TRAPPC9: variants seen among roughly 807,000 people sequenced by gnomAD.
The protein encoded by TRAPPC9 is trafficking protein particle complex subunit 9.
Under a neutral mutation model 124.0 loss-of-function variants are expected in TRAPPC9, and 83 were observed. That is an observed-to-expected ratio of 0.67 (90% CI 0.56 to 0.80). The LOEUF is 0.80. Ranked by LOEUF, TRAPPC9 falls within the 30% of genes least tolerant of loss-of-function variation. The probability of loss-of-function intolerance (pLI) is 0.00; values close to 1 mark genes in which losing one functional copy is unlikely to be tolerated. For synonymous variants in TRAPPC9, 638 were observed against 617.5 expected (o/e 1.03, Z -0.49); for missense variants, 1,302 against 1,508.3 (o/e 0.86, Z 2.27).
chr8:140,271,979 A>ATGG (rs1230597490), intron 15 of TRAPPC9, among the ~76,000 whole-genome samples: 14 of 144,492 alleles, frequency 9.7e-5, no homozygotes, highest in African/African-American at 2.1e-4. Flanking sequence ...GATGGCAGTA[A>ATGG]TGGTGGTGGT....
chr8:139,993,009 G>T (rs1837738742), intron 18 of TRAPPC9, among the ~76,000 whole-genome samples: 1 of 152,084 alleles, frequency 6.6e-6, no homozygotes, highest in Non-Finnish European at 1.5e-5. Context: ...CTTCTCAAAT[G>T]AGTTACAATA....
intron 10 of TRAPPC9, among the ~76,000 whole-genome samples, chr8:140,304,750 G>GTTATGT: frequency 6.6e-6 from 1 of 152,292 alleles, no homozygotes; most frequent in African/African-American, 2.4e-5. Flanking sequence ...TGGATTCTCT[G>GTTATGT]TTGCCCAACT....
intron 17 of TRAPPC9, among the ~76,000 whole-genome samples, chr8:140,119,077 G>C (rs1213051774): frequency 6.6e-6 from 1 of 152,236 alleles, no homozygotes; most frequent in Non-Finnish European, 1.5e-5. Context: ...ATCTGCAGGA[G>C]ACCCAGGTAG....
At chr8:139,763,056 C>T (rs915626195) in intron 21 of TRAPPC9, among the ~76,000 whole-genome samples, 1 of 152,214 alleles carries the variant, frequency 6.6e-6, no homozygotes, top group Non-Finnish European at 1.5e-5. Context: ...CTGGCTGAAG[C>T]CTTCTTCATT....
intron 21 of TRAPPC9, 31 bp from the exon 22 acceptor site, chr8:139,732,233 G>A (rs771203931): frequency 6.5e-7 from 1 of 1,539,832 alleles, no homozygotes; most frequent in East Asian, 2.4e-5. Context: ...TCGGGGGCTG[G>A]GCTGGCCTGC....
chr8:140,034,992 T>C (rs1391678526), intron 17 of TRAPPC9, among the ~76,000 whole-genome samples: 1 of 152,254 alleles, frequency 6.6e-6, no homozygotes, highest in Non-Finnish European at 1.5e-5. Context: ...GAGGCTGCCC[T>C]GGCCTTGGTG....
chr8:140,255,263 A>G (rs1042921867), intron 15 of TRAPPC9, among the ~76,000 whole-genome samples: 2 of 152,196 alleles, frequency 1.3e-5, no homozygotes, highest in Non-Finnish European at 2.9e-5. Context: ...TGTGCCAGAC[A>G]CTCCACGTGT....
intron 17 of TRAPPC9, among the ~76,000 whole-genome samples, chr8:140,210,978 T>A (rs1036676956): frequency 6.6e-6 from 1 of 152,178 alleles, no homozygotes; most frequent in Non-Finnish European, 1.5e-5. Context: ...CACAGCTTGA[T>A]TAAGAAGCAA....
At chr8:139,863,095 G>A (rs538180379) in intron 21 of TRAPPC9, among the ~76,000 whole-genome samples, 2 of 152,354 alleles carry the variant, frequency 1.3e-5, no homozygotes, top group East Asian at 1.9e-4. Context: ...CTCATTTGGC[G>A]TGTCTTCTCC....
At chr8:139,780,546 TAAATGCA>T (rs941627165) in intron 21 of TRAPPC9, among the ~76,000 whole-genome samples, 38 of 152,148 alleles carry the variant, frequency 2.5e-4, no homozygotes, top group Non-Finnish European at 2.4e-4. Context: ...ATTGCAGAAC[TAAATGCA>T]AAATGCAAAA....
At chr8:140,325,298 A>G (rs1048587799) in intron 9 of TRAPPC9, among the ~76,000 whole-genome samples, 3 of 152,250 alleles carry the variant, frequency 2.0e-5, no homozygotes, top group African/African-American at 4.8e-5. Flanking sequence ...CTAGAAAAAG[A>G]CATAAAATTA....
chr8:140,343,480 C>G (rs1294848205), intron 9 of TRAPPC9, among the ~76,000 whole-genome samples: 5 of 152,230 alleles, frequency 3.3e-5, no homozygotes, highest in Non-Finnish European at 7.3e-5. Flanking sequence ...CTGCCACCCA[C>G]AGAGGCAGGG....
rs569584625 is a variant in TRAPPC9, at chr8:139,797,864, T to C, written c.3056-65662A>G. Among the ~76,000 whole-genome samples, 5 of 152,364 alleles carry C rather than the reference T, an allele frequency of 3.3e-5. No individual in the cohort carries two copies. The South Asian group carries it at 6.2e-4, about 19-fold the overall frequency. ...TTCAGTCTGTTGATCTGTACGTCCA[T>C]CCTTATGCCAGCACCACATTGTCTT... On this transcript the variant is annotated intron_variant, in intron 21 of 22. Coordinates refer to ENST00000438773, the MANE Select transcript of TRAPPC9 (RefSeq NM_001160372.4).
chr8:139,964,212 A>G (rs1269750583), intron 19 of TRAPPC9, among the ~76,000 whole-genome samples: 41 of 132,166 alleles, frequency 3.1e-4, no homozygotes, highest in Admixed American at 2.2e-3. Context: ...GCGACAGAGC[A>G]AGACTCTGTC....
chr8:140,086,910 C>T (rs1844219797), intron 17 of TRAPPC9, among the ~76,000 whole-genome samples: 1 of 151,788 alleles, frequency 6.6e-6, no homozygotes, highest in African/African-American at 2.4e-5. Flanking sequence ...CTAGCCTGGG[C>T]AACAGAGTGA....
At chr8:139,981,312 G>A (rs1289074573) in intron 19 of TRAPPC9, among the ~76,000 whole-genome samples, 2 of 152,144 alleles carry the variant, frequency 1.3e-5, no homozygotes, top group African/African-American at 2.4e-5. Flanking sequence ...CCATCTCCCC[G>A]CATCAGCTGA....
chr8:140,070,849 C>T (rs4736132), intron 17 of TRAPPC9, among the ~76,000 whole-genome samples: 54,422 of 152,056 alleles, frequency 0.36, 11,082 homozygotes, highest in Middle Eastern at 0.53. Flanking sequence ...TGCCAGGCAG[C>T]TGTGGGTGCC....
At chr8:140,258,180 G>GA (rs1173501797) in intron 15 of TRAPPC9, among the ~76,000 whole-genome samples, 1 of 152,242 alleles carries the variant, frequency 6.6e-6, no homozygotes. Flanking sequence ...GAGGGCCAGA[G>GA]AAACTCCCCG....
At chr8:140,277,772 T>G (rs1392594668) in intron 14 of TRAPPC9, among the ~76,000 whole-genome samples, 1 of 152,212 alleles carries the variant, frequency 6.6e-6, no homozygotes, top group Non-Finnish European at 1.5e-5. Flanking sequence ...CTGCAGAGGC[T>G]GGGCAAGGGT....
Sources: allele counts gnomAD v4.1 joint callset (sites outside exome capture counted in the v4.1 genomes callset), GRCh38; gene constraint gnomAD v4.1.1; transcripts MANE v1.5; gene names NCBI Gene and HGNC (gene_info 2026-07-23, HGNC 2026-07-21).